FBXL4: variants seen among roughly 807,000 people sequenced by gnomAD.
FBXL4 encodes F-box/LRR-repeat protein 4.
Under a neutral mutation model 58.9 loss-of-function variants are expected in FBXL4, and 40 were observed. The observed-to-expected ratio is 0.68, with a 90% CI of 0.53 to 0.88. The LOEUF is 0.88. Ranked by LOEUF, FBXL4 falls within the 40% of genes least tolerant of loss-of-function variation. The probability of loss-of-function intolerance (pLI) is 0.00; values close to 1 mark genes in which losing one functional copy is unlikely to be tolerated. For missense variants in FBXL4, 676 were observed against 734.4 expected (o/e 0.92, Z 0.92); for synonymous variants, 263 against 265.5 (o/e 0.99, Z 0.09).
chr6:98,888,814 C>G (rs1047485515), intron 7 of FBXL4, among the ~76,000 whole-genome samples: 2 of 152,168 alleles, frequency 1.3e-5, no homozygotes, highest in Non-Finnish European at 2.9e-5. Context: ...ATTACCAAAA[C>G]ATACTCTAGG....
At chr6:98,897,377 G>A (rs1003286796) in intron 7 of FBXL4, 2 of 979,566 alleles carry the variant, frequency 2.0e-6, no homozygotes, top group African/African-American at 3.5e-5. Context: ...TGGCATTCAG[G>A]GACAATAATT....
intron 7 of FBXL4, among the ~76,000 whole-genome samples, chr6:98,892,062 G>C (rs1056471912): frequency 2.6e-5 from 4 of 152,104 alleles, no homozygotes; most frequent in Non-Finnish European, 5.9e-5. Flanking sequence ...AGTTCTACAA[G>C]GCCAATCAGG....
chr6:98,943,335 G>A (rs1285583328), intron 1 of FBXL4, among the ~76,000 whole-genome samples: 1 of 151,788 alleles, frequency 6.6e-6, no homozygotes, highest in Non-Finnish European at 1.5e-5. Context: ...CACGTTGGGA[G>A]GCCAAGGCGG....
intron 1 of FBXL4, among the ~76,000 whole-genome samples, chr6:98,937,509 G>A (rs1773266157): frequency 6.6e-6 from 1 of 152,150 alleles, no homozygotes; most frequent in Non-Finnish European, 1.5e-5. Flanking sequence ...CTCATTAAGT[G>A]AAAGTGAATC....
At chr6:98,932,355 T>C (rs979155675) in intron 2 of FBXL4, among the ~76,000 whole-genome samples, 4 of 152,212 alleles carry the variant, frequency 2.6e-5, no homozygotes, top group African/African-American at 9.6e-5. Flanking sequence ...TCATGAGACT[T>C]TCATACTCCT....
chr6:98,904,883 C>T (rs1771740579), intron 6 of FBXL4, among the ~76,000 whole-genome samples: 1 of 152,136 alleles, frequency 6.6e-6, no homozygotes, highest in Non-Finnish European at 1.5e-5. Context: ...AAACTAAATG[C>T]TTAAATAGAA....
At chr6:98,921,854 T>A (rs958487064) in intron 4 of FBXL4, among the ~76,000 whole-genome samples, 1 of 152,200 alleles carries the variant, frequency 6.6e-6, no homozygotes, top group Non-Finnish European at 1.5e-5. Flanking sequence ...CCAATTGGTT[T>A]CTTTAATCTG....
At chr6:98,887,134 C>T (rs1174495821) in intron 7 of FBXL4, among the ~76,000 whole-genome samples, 2 of 152,048 alleles carry the variant, frequency 1.3e-5, no homozygotes, top group African/African-American at 4.8e-5. Context: ...GGAATAGTGG[C>T]ACATGCCTGT....
intron 4 of FBXL4, among the ~76,000 whole-genome samples, chr6:98,920,356 T>C (rs1772532251): frequency 6.6e-6 from 1 of 152,038 alleles, no homozygotes; most frequent in African/African-American, 2.4e-5. Context: ...CTGACTTCTA[T>C]ATCGCATAAA....
chr6:98,933,533 C>T (rs1773091858), intron 2 of FBXL4, among the ~76,000 whole-genome samples: 1 of 152,114 alleles, frequency 6.6e-6, no homozygotes, highest in Non-Finnish European at 1.5e-5. Flanking sequence ...CCCCTCTCTT[C>T]CAATGCTTGG....
intron 7 of FBXL4, among the ~76,000 whole-genome samples, chr6:98,897,608 A>G (rs1158274888): frequency 2.6e-5 from 4 of 152,184 alleles, no homozygotes; most frequent in African/African-American, 9.7e-5. Flanking sequence ...TGGGTAGCTG[A>G]TAAAGAAAAA....
chr6:98,905,388 T>TG (rs200701723), intron 6 of FBXL4, 38 bp downstream of exon 6: 150 of 1,600,002 alleles, frequency 9.4e-5, no homozygotes, highest in Middle Eastern at 3.3e-4. Flanking sequence ...AACCTGCTGC[T>TG]GGGGGGGAAA....
intron 5 of FBXL4, among the ~76,000 whole-genome samples, chr6:98,911,342 G>C (rs985581694): frequency 6.6e-6 from 1 of 152,182 alleles, no homozygotes; most frequent in African/African-American, 2.4e-5. Context: ...CTCCCAGCAC[G>C]CAGCTGGAGA....
At chr6:98,931,987 C>A (rs891098408) in intron 2 of FBXL4, among the ~76,000 whole-genome samples, 1 of 152,150 alleles carries the variant, frequency 6.6e-6, no homozygotes, top group Non-Finnish European at 1.5e-5. Context: ...GTAAAAGATA[C>A]AATAACTCTA....
intron 5 of FBXL4, among the ~76,000 whole-genome samples, chr6:98,910,497 C>CA (rs925842083): frequency 5.3e-5 from 8 of 150,684 alleles, no homozygotes; most frequent in African/African-American, 1.2e-4. Context: ...ACTAAAAATA[C>CA]AAAAAAAAAG....
Position 98,926,773 on chromosome 6 carries a change from G to A in FBXL4, c.216C>T (p.Ser72=), listed in dbSNP as rs769167772. 1 of 1,613,956 alleles carries A rather than the reference G, an allele frequency of 6.2e-7. No homozygotes were observed. The highest frequency in any genetic ancestry group is 1.1e-5 in the South Asian group (1 of 91,074). The change falls in exon 4 of 10, where the codon TCC becomes TCT. Residue 72 remains serine (S), a synonymous_variant. Coordinates refer to ENST00000369244, the MANE Select transcript of FBXL4 (RefSeq NM_001278716.2). ...SSHYGSENSM[S]YTMWNLAGVP... ...CACCAGCCAAATTCCACATAGTATA[G>A]GACATACTATTCTCACTTCCATAAT...
intron 7 of FBXL4, among the ~76,000 whole-genome samples, chr6:98,882,518 T>C (rs1326615257): frequency 6.6e-6 from 1 of 152,054 alleles, no homozygotes; most frequent in Admixed American, 6.6e-5. Context: ...TTAATGAAAC[T>C]TGTTTGGTAA....
At position 98,870,711 on chromosome 6, in the gene FBXL4, T is replaced by G. The variant is rs1770468522; in HGVS notation, c.*3567A>C. 1 of 152,200 alleles carries G rather than the reference T, an allele frequency of 6.6e-6. No homozygotes were observed. The highest frequency in any genetic ancestry group is 2.1e-4 in the South Asian group (1 of 4,832). The allele number at this position is 152,200 out of a possible 1,614,324, so 9.4% of individuals were successfully genotyped here. ...GTGACATTTTTAAGGCACATTAGTA[T>G]ATGAATTTTTAAAAATCAGATTAGA... On this transcript the variant is annotated 3_prime_UTR_variant, in exon 10 of 10. Coordinates refer to ENST00000369244, the MANE Select transcript of FBXL4 (RefSeq NM_001278716.2).
intron 7 of FBXL4, among the ~76,000 whole-genome samples, 165 bp from the exon 8 acceptor site, chr6:98,880,789 T>C (rs1282768357): frequency 6.6e-6 from 1 of 152,160 alleles, no homozygotes; most frequent in Non-Finnish European, 1.5e-5. Flanking sequence ...CCCCAGAGGC[T>C]CCACCATTGA....
Sources: allele counts gnomAD v4.1 joint callset (sites outside exome capture counted in the v4.1 genomes callset), GRCh38; gene constraint gnomAD v4.1.1; transcripts MANE v1.5; gene names NCBI Gene and HGNC (gene_info 2026-07-23, HGNC 2026-07-21).